GNG12: variants seen among roughly 807,000 people sequenced by gnomAD.
GNG12 encodes guanine nucleotide-binding protein G(I)/G(S)/G(O) subunit gamma-12.
For missense variants in GNG12, 69 were observed against 83.8 expected (o/e 0.82, Z 0.69); for synonymous variants, 28 against 29.7 (o/e 0.94, Z 0.19).
intron 2 of GNG12, among the ~76,000 whole-genome samples, chr1:67,741,677 A>T (rs1646483513): frequency 6.6e-6 from 1 of 152,240 alleles, no homozygotes; most frequent in Non-Finnish European, 1.5e-5. Flanking sequence ...AATACTGTAT[A>T]ACTTGAAAAA....
At chr1:67,740,246 A>C (rs1329353918) in intron 2 of GNG12, among the ~76,000 whole-genome samples, 3 of 152,256 alleles carry the variant, frequency 2.0e-5, no homozygotes, top group Non-Finnish European at 4.4e-5. Context: ...ATACAGGGCT[A>C]TGAATACTCT....
intron 2 of GNG12, among the ~76,000 whole-genome samples, chr1:67,723,748 C>T (rs575054203): frequency 9.0e-4 from 137 of 152,314 alleles, no homozygotes; most frequent in Non-Finnish European, 1.2e-3. Flanking sequence ...ATGGAGGAGT[C>T]AGCACTCTAA....
intron 1 of GNG12, among the ~76,000 whole-genome samples, chr1:67,791,306 T>C (rs1159833363): frequency 1.3e-5 from 2 of 152,180 alleles, no homozygotes; most frequent in Non-Finnish European, 2.9e-5. Context: ...ATATGTATTT[T>C]CAGTCTCCTT....
intron 1 of GNG12, among the ~76,000 whole-genome samples, chr1:67,830,002 C>CTTTTT (rs35214495): frequency 3.4e-5 from 4 of 117,402 alleles, no homozygotes; most frequent in Admixed American, 8.9e-5. Flanking sequence ...AAGATGGAGG[C>CTTTTT]TTTTTTTTTT....
At chr1:67,731,714 A>G (rs1474929801) in intron 2 of GNG12, among the ~76,000 whole-genome samples, 2 of 152,244 alleles carry the variant, frequency 1.3e-5, no homozygotes, top group African/African-American at 4.8e-5. Context: ...AAAGCTACTG[A>G]AAAATTTAAA....
At chr1:67,812,895 A>T (rs1217423454) in intron 1 of GNG12, among the ~76,000 whole-genome samples, 1 of 152,082 alleles carries the variant, frequency 6.6e-6, no homozygotes, top group Non-Finnish European at 1.5e-5. Context: ...TCTTAAGTAC[A>T]CTCTTCATGA....
At chr1:67,727,257 C>G (rs1646392168) in intron 2 of GNG12, among the ~76,000 whole-genome samples, 1 of 152,192 alleles carries the variant, frequency 6.6e-6, no homozygotes, top group East Asian at 1.9e-4. Flanking sequence ...TGGGAGAGAT[C>G]ACAGGAGACC....
intron 1 of GNG12, among the ~76,000 whole-genome samples, chr1:67,797,834 C>A (rs1646841143): frequency 6.6e-6 from 1 of 152,186 alleles, no homozygotes; most frequent in Non-Finnish European, 1.5e-5. Context: ...GAGCCAAGAT[C>A]TTCCTCAGGT....
At chr1:67,752,945 T>G (rs1205171992) in intron 2 of GNG12, among the ~76,000 whole-genome samples, 3 of 152,204 alleles carry the variant, frequency 2.0e-5, no homozygotes, top group Non-Finnish European at 4.4e-5. Context: ...GTATTATGGC[T>G]TCCAGTAACC....
Position 67,767,242 on chromosome 1 carries a change from G to A in GNG12, c.-27+10216C>T, listed in dbSNP as rs1646645971. Among the ~76,000 whole-genome samples the A allele has an allele frequency of 2.0e-5, 3 of 152,134 alleles. No homozygotes were observed. In the South Asian group the frequency reaches 6.2e-4, roughly 31 times the overall value. On this transcript the variant is annotated intron_variant, in intron 2 of 3. Coordinates refer to ENST00000370982, the MANE Select transcript of GNG12 (RefSeq NM_018841.6). Reference sequence around the variant, plus strand: ...CCTGCAGTAAAACCCCATGTCACGTGTGCTGGCTCTGGGTCTCTTCTTGGC... The same window carrying A: ...CCTGCAGTAAAACCCCATGTCACGTATGCTGGCTCTGGGTCTCTTCTTGGC...
At chr1:67,825,649 C>G (rs1647006918) in intron 1 of GNG12, among the ~76,000 whole-genome samples, 2 of 152,336 alleles carry the variant, frequency 1.3e-5, no homozygotes, top group African/African-American at 4.8e-5. Context: ...TTTCCAGAAG[C>G]AGCAGCTACT....
intron 1 of GNG12, among the ~76,000 whole-genome samples, chr1:67,799,035 T>C (rs1288824467): frequency 6.6e-6 from 1 of 152,212 alleles, no homozygotes; most frequent in African/African-American, 2.4e-5. Context: ...TTTCTCTAGC[T>C]TACTTTAGTC....
Position 67,805,844 on chromosome 1 carries a change from C to CTTAAAAAAAAAAAAATATGGAA in GNG12, c.-77+27499_-77+27500insTTCCATATTTTTTTTTTTTTAA, listed in dbSNP as rs1553160136. Among the ~76,000 whole-genome samples the CTTAAAAAAAAAAAAATATGGAA allele has an allele frequency of 3.3e-5, 5 of 150,458 alleles. 2 individuals carry two copies. The highest frequency in any genetic ancestry group is 1.2e-4 in the African/African-American group (5 of 41,070). ...AGAATAAATACTTAAAAAAAAAAACCTAGGCATAACATATTCCAACCTCAG... is the reference window on the plus strand; with the variant it reads ...AGAATAAATACTTAAAAAAAAAAACCTTAAAAAAAAAAAAATATGGAATAGGCATAACATATTCCAACCTCAG... On this transcript the variant is annotated intron_variant, in intron 1 of 3. Transcript: ENST00000370982.
At chr1:67,714,642 T>A (rs892060504) in intron 2 of GNG12, among the ~76,000 whole-genome samples, 7 of 152,162 alleles carry the variant, frequency 4.6e-5, no homozygotes, top group Non-Finnish European at 8.8e-5. Context: ...ACCCTCCTCC[T>A]AGCATGCCTC....
intron 1 of GNG12, among the ~76,000 whole-genome samples, chr1:67,828,439 G>A (rs574471975): frequency 6.6e-4 from 101 of 152,270 alleles, no homozygotes; most frequent in African/African-American, 2.4e-3. Context: ...GATGCTTCTG[G>A]GTCAAATTCT....
At chr1:67,776,061 G>A (rs557391708) in intron 2 of GNG12, among the ~76,000 whole-genome samples, 10 of 152,218 alleles carry the variant, frequency 6.6e-5, no homozygotes, top group South Asian at 2.1e-4. Flanking sequence ...GAGGAGTAAC[G>A]TCCTGAAAGA....
chr1:67,748,374 C>T (rs1646518917), intron 2 of GNG12, among the ~76,000 whole-genome samples: 1 of 152,144 alleles, frequency 6.6e-6, no homozygotes, highest in South Asian at 2.1e-4. Context: ...TGAAACCATA[C>T]CATAGGCTAC....
chr1:67,830,918 G>GTAC (rs1647040657), intron 1 of GNG12, among the ~76,000 whole-genome samples: 1 of 152,200 alleles, frequency 6.6e-6, no homozygotes, highest in Non-Finnish European at 1.5e-5. Context: ...TTTTGACCAT[G>GTAC]TACTGCGTGT....
chr1:67,805,898 C>T (rs1478526996), intron 1 of GNG12, among the ~76,000 whole-genome samples: 2 of 128,740 alleles, frequency 1.6e-5, no homozygotes, highest in Non-Finnish European at 3.2e-5. Flanking sequence ...TTTTGAAAGA[C>T]AAAAGAAAAA....
Sources: gnomAD v4.1 joint callset for allele counts (sites outside exome capture counted in the v4.1 genomes callset) on GRCh38, gnomAD v4.1.1 for gene constraint, MANE v1.5 for transcripts, NCBI Gene and HGNC (gene_info 2026-07-23, HGNC 2026-07-21) for gene names.